Variants in COL21A1 observed in about 807,000 individuals in gnomAD.
The protein encoded by COL21A1 is collagen alpha-1(XXI) chain.
In COL21A1, 149 loss-of-function variants were observed where a neutral mutation model predicts 137.9. The observed-to-expected ratio is 1.08, with a 90% CI of 0.95 to 1.24. The LOEUF (loss-of-function observed/expected upper bound fraction) is 1.24, where lower values mean the gene tolerates loss of function less well. Ranked by LOEUF, COL21A1 falls within the 50% of genes most tolerant of loss-of-function variation. The pLI is 0.00. For missense variants in COL21A1, 1,167 were observed against 1,158.4 expected (o/e 1.01, Z -0.11); for synonymous variants, 456 against 391.5 (o/e 1.16, Z -1.95).
intron 1 of COL21A1, among the ~76,000 whole-genome samples, chr6:56,298,003 T>C (rs987073766): frequency 6.6e-6 from 1 of 152,056 alleles, no homozygotes; most frequent in Non-Finnish European, 1.5e-5. Flanking sequence ...CCAGAATATC[T>C]GGCTCTAACA....
chr6:56,203,907 C>G (rs1243721645), intron 1 of COL21A1, among the ~76,000 whole-genome samples: 1 of 152,128 alleles, frequency 6.6e-6, no homozygotes, highest in African/African-American at 2.4e-5. Context: ...CCATGAAAGA[C>G]TGTAATGGGA....
intron 1 of COL21A1, among the ~76,000 whole-genome samples, chr6:56,373,278 T>C (rs1036040898): frequency 7.9e-5 from 12 of 152,206 alleles, no homozygotes; most frequent in Admixed American, 2.6e-4. Context: ...TACTTACTAA[T>C]AAGCTATTTT....
At chr6:56,389,117 C>T (rs2094024185) in intron 1 of COL21A1, among the ~76,000 whole-genome samples, 1 of 152,140 alleles carries the variant, frequency 6.6e-6, no homozygotes, top group African/African-American at 2.4e-5. Context: ...AATCCCAGCA[C>T]TTTGGGAGGC....
intron 28 of COL21A1, 117 bp from the exon 29 acceptor site, chr6:56,059,359 C>A: frequency 1.6e-6 from 1 of 628,708 alleles, no homozygotes; most frequent in South Asian, 2.8e-5. Context: ...ACCAGCTTGC[C>A]ATCTATTTTT....
intron 1 of COL21A1, among the ~76,000 whole-genome samples, chr6:56,242,766 A>T (rs1335622874): frequency 6.6e-6 from 1 of 152,198 alleles, no homozygotes; most frequent in Non-Finnish European, 1.5e-5. Context: ...TGATAACTTC[A>T]GATTTATTTT....
chr6:56,097,996 AATATATAAATATATAAAT>A lies in COL21A1; in HGVS notation c.1812+3458_1812+3475del, dbSNP rs1204597712. ...ATAAATATATATAAATATATATGTA[AATATATAAATATATAAAT>A]ATATATAAATATATATGTAAATATA... On this transcript the variant is annotated intron_variant, in intron 17 of 29. Transcript: ENST00000244728. Among the ~76,000 whole-genome samples, 8 of 4,068 alleles carry A rather than the reference AATATATAAATATATAAAT, an allele frequency of 2.0e-3. 1 individual carries two copies. Among genetic ancestry groups the A allele is most frequent in the Non-Finnish European group, 3.8e-3 (8 of 2,110 alleles). 2.7% of individuals were successfully genotyped at this position (4,068 alleles called of 152,430 possible).
At chr6:56,146,786 G>A (rs1005066878) in intron 10 of COL21A1, among the ~76,000 whole-genome samples, 19 of 152,032 alleles carry the variant, frequency 1.2e-4, no homozygotes, top group African/African-American at 3.9e-4. Flanking sequence ...TGCACAGCTC[G>A]TGGGTCTTAC....
At chr6:56,263,856 C>A (rs1196281847) in intron 1 of COL21A1, among the ~76,000 whole-genome samples, 1 of 152,050 alleles carries the variant, frequency 6.6e-6, no homozygotes, top group Non-Finnish European at 1.5e-5. Flanking sequence ...AAACATTTTC[C>A]TGATATTTGA....
At chr6:56,151,791 C>T (rs997257834) in intron 10 of COL21A1, among the ~76,000 whole-genome samples, 9 of 152,172 alleles carry the variant, frequency 5.9e-5, no homozygotes, top group African/African-American at 2.2e-4. Flanking sequence ...AGGCCCCACC[C>T]ACACCTACCC....
chr6:56,294,123 C>T (rs1764113644), intron 1 of COL21A1, among the ~76,000 whole-genome samples: 1 of 152,108 alleles, frequency 6.6e-6, no homozygotes, highest in Non-Finnish European at 1.5e-5. Context: ...CACTAAACTC[C>T]TATCTTTACT....
chr6:56,174,545 A>G (rs1414479425), intron 3 of COL21A1, among the ~76,000 whole-genome samples: 4 of 152,056 alleles, frequency 2.6e-5, no homozygotes, highest in Non-Finnish European at 5.9e-5. Context: ...ATATCAACAA[A>G]TTGGTAACCT....
At chr6:56,185,426 C>CATTTTT (rs1778200859) in intron 1 of COL21A1, among the ~76,000 whole-genome samples, 1 of 100,170 alleles carries the variant, frequency 1.0e-5, no homozygotes, top group African/African-American at 4.0e-5. Context: ...AATGAACAGT[C>CATTTTT]TTTTTTTTTT....
At chr6:56,354,464 A>T (rs1326252939) in intron 1 of COL21A1, among the ~76,000 whole-genome samples, 1 of 151,624 alleles carries the variant, frequency 6.6e-6, no homozygotes, top group Non-Finnish European at 1.5e-5. Flanking sequence ...TTTAGAAATA[A>T]AATCATAAAG....
chr6:56,191,791 A>G (rs925322473), intron 1 of COL21A1, among the ~76,000 whole-genome samples: 2 of 152,190 alleles, frequency 1.3e-5, no homozygotes, highest in South Asian at 2.1e-4. Context: ...AGGAAGGATC[A>G]GTATCATGAA....
chr6:56,229,124 G>A (rs887440272), intron 1 of COL21A1, among the ~76,000 whole-genome samples: 1 of 151,824 alleles, frequency 6.6e-6, no homozygotes. Flanking sequence ...CTCACACCTG[G>A]AATCTCAGCA....
chr6:56,369,607 CT>C (rs10710239), intron 1 of COL21A1, among the ~76,000 whole-genome samples: 70,402 of 151,806 alleles, frequency 0.46, 16,714 homozygotes, highest in Non-Finnish European at 0.49. Context: ...ATTGTGAAAA[CT>C]TTTTTTATAA....
intron 12 of COL21A1, among the ~76,000 whole-genome samples, chr6:56,133,890 A>G (rs565150900): frequency 1.3e-5 from 2 of 152,344 alleles, no homozygotes; most frequent in East Asian, 3.9e-4. Flanking sequence ...ACCTCCACCT[A>G]GACTTCAGAG....
intron 1 of COL21A1, among the ~76,000 whole-genome samples, chr6:56,240,988 T>C (rs1782279971): frequency 6.6e-6 from 1 of 152,172 alleles, no homozygotes; most frequent in African/African-American, 2.4e-5. Context: ...TTAAGAGCTC[T>C]GCATCTTACT....
chr6:56,195,750 A>G (rs964849692), intron 1 of COL21A1, among the ~76,000 whole-genome samples: 1 of 152,270 alleles, frequency 6.6e-6, no homozygotes, highest in South Asian at 2.1e-4. Flanking sequence ...AAACCTCCCA[A>G]CAGAAAAGGT....
Sources: gnomAD v4.1 joint callset for allele counts (sites outside exome capture counted in the v4.1 genomes callset) on GRCh38, gnomAD v4.1.1 for gene constraint, MANE v1.5 for transcripts, NCBI Gene and HGNC (gene_info 2026-07-23, HGNC 2026-07-21) for gene names.